The following CCSER2 variants were observed in gnomAD, a reference collection of about 807,000 sequenced individuals.
CCSER2 encodes coiled-coil serine rich protein 2, also known as serine-rich coiled-coil domain-containing protein 2.
A neutral mutation model predicts 92.3 loss-of-function variants in CCSER2; 46 were observed. The observed-to-expected ratio is 0.50, with a 90% CI of 0.39 to 0.64. The LOEUF (loss-of-function observed/expected upper bound fraction) is 0.64, where lower values mean the gene tolerates loss of function less well. Among genes scored for constraint, CCSER2 ranks in the 30% least tolerant of loss-of-function variants. The pLI is 0.00. For missense variants in CCSER2, 1,244 were observed against 1,238.9 expected (o/e 1.00, Z -0.06); for synonymous variants, 433 against 431.4 (o/e 1.00, Z -0.04).
At chr10:84,436,376 C>CTGCAAGCA (rs1844146406) in intron 5 of CCSER2, among the ~76,000 whole-genome samples, 1 of 134,864 alleles carries the variant, frequency 7.4e-6, no homozygotes. Flanking sequence ...TGTCTCAAGC[C>CTGCAAGCA]TGTCATCCCA....
intron 8 of CCSER2, among the ~76,000 whole-genome samples, chr10:84,476,778 T>C (rs1273421818): frequency 6.6e-6 from 1 of 152,162 alleles, no homozygotes; most frequent in Non-Finnish European, 1.5e-5. Flanking sequence ...TCATGATCTT[T>C]TTTGAAAGTG....
chr10:84,407,002 G>A (rs1235147928), intron 3 of CCSER2, among the ~76,000 whole-genome samples: 1 of 152,146 alleles, frequency 6.6e-6, no homozygotes, highest in South Asian at 2.1e-4. Context: ...CCAAAAGATG[G>A]ACAAGGGAAG....
intron 1 of CCSER2, among the ~76,000 whole-genome samples, chr10:84,354,202 C>T (rs1845028387): frequency 6.7e-6 from 1 of 150,136 alleles, no homozygotes; most frequent in South Asian, 2.1e-4. Context: ...GACTCTATCT[C>T]AAACAAAAAA....
At chr10:84,443,200 G>A (rs1369905545) in intron 6 of CCSER2, among the ~76,000 whole-genome samples, 1 of 152,140 alleles carries the variant, frequency 6.6e-6, no homozygotes, top group Non-Finnish European at 1.5e-5. Flanking sequence ...TACCATCAGA[G>A]TGAAGAGGCA....
chr10:84,459,687 T>G (rs574657765), intron 6 of CCSER2, among the ~76,000 whole-genome samples: 54 of 152,240 alleles, frequency 3.5e-4, no homozygotes, highest in Non-Finnish European at 1.5e-4. Context: ...CACACCTGGC[T>G]AATTTTTTAT....
chr10:84,441,756 T>TG (rs1844573550), intron 6 of CCSER2, among the ~76,000 whole-genome samples: 1 of 80,928 alleles, frequency 1.2e-5, no homozygotes, highest in African/African-American at 4.0e-5. Flanking sequence ...TTTTTTTTTT[T>TG]TTTTTTTTTT....
chr10:84,382,633 T>TAG (rs1267004110), intron 3 of CCSER2, among the ~76,000 whole-genome samples: 2 of 152,216 alleles, frequency 1.3e-5, no homozygotes, highest in Admixed American at 1.3e-4. Flanking sequence ...TGATGATTGA[T>TAG]TTTCTAACAC....
rs546785485 is a variant in CCSER2 at position 84,424,135 on chromosome 10, G to A, written c.1706-1596G>A. On this transcript the variant is annotated intron_variant, in intron 4 of 9. Coordinates refer to ENST00000372088, the MANE Select transcript of CCSER2 (RefSeq NM_001284240.2). The stretch of plus-strand genomic sequence containing the variant: ...CCACTATACTCTATCCTGGGTGACA[G>A]ATTGAGAACCTGTCTCAAACAAAAA... Among the ~76,000 whole-genome samples the A allele has an allele frequency of 2.6e-5, 4 of 152,158 alleles. No individual in the cohort carries two copies. The East Asian group carries it at 5.8e-4, about 22-fold the overall frequency.
chr10:84,499,577 CAA>C lies in CCSER2; in HGVS notation c.2326-13871_2326-13870del, dbSNP rs1456578466. Among the ~76,000 whole-genome samples the C allele has an allele frequency of 4.6e-5, 7 of 151,998 alleles. 1 individual carries two copies. The South Asian group carries it at 1.0e-3, about 23-fold the overall frequency. ...AAAAGACTGGAATCTGCTACTTTAA[CAA>C]GAGATATATGATGATAAATGTAATG... On this transcript the variant is annotated intron_variant, in intron 9 of 9. Transcript: ENST00000372088.
At chr10:84,384,531 T>G (rs1378839029) in intron 3 of CCSER2, among the ~76,000 whole-genome samples, 2 of 152,162 alleles carry the variant, frequency 1.3e-5, no homozygotes, top group Non-Finnish European at 2.9e-5. Context: ...CATATGATCA[T>G]CTCAATAGAT....
intron 8 of CCSER2, 117 bp downstream of exon 8, chr10:84,470,575 T>C (rs1409764503): frequency 1.0e-5 from 8 of 790,798 alleles, no homozygotes; most frequent in Non-Finnish European, 1.4e-5. Flanking sequence ...AGTTGCACTT[T>C]TATATTATTT....
chr10:84,487,983 A>G (rs1006029327), intron 9 of CCSER2, among the ~76,000 whole-genome samples: 2 of 152,196 alleles, frequency 1.3e-5, no homozygotes, highest in South Asian at 2.1e-4. Flanking sequence ...CCTTTTCTGC[A>G]TCTATTGAGA....
chr10:84,431,246 T>C (rs1482211598), intron 5 of CCSER2, among the ~76,000 whole-genome samples: 1 of 152,208 alleles, frequency 6.6e-6, no homozygotes, highest in Non-Finnish European at 1.5e-5. Context: ...CTTCAAATTC[T>C]GTGTGTTCCA....
chr10:84,469,502 G>A (rs567491570), intron 7 of CCSER2, among the ~76,000 whole-genome samples: 1 of 152,104 alleles, frequency 6.6e-6, no homozygotes, highest in Non-Finnish European at 1.5e-5. Flanking sequence ...TGTTCCCGAT[G>A]TAGCTAAAGG....
intron 9 of CCSER2, among the ~76,000 whole-genome samples, chr10:84,490,571 GCCATGGTTTTCAGCT>G (rs1428622922): frequency 6.6e-6 from 1 of 152,182 alleles, no homozygotes; most frequent in Non-Finnish European, 1.5e-5. Flanking sequence ...TAGTTCTCGT[GCCATGGTTTTCAGCT>G]CCATCAGGTC....
intron 1 of CCSER2, among the ~76,000 whole-genome samples, chr10:84,370,675 T>C (rs1273421560): frequency 3.3e-5 from 5 of 152,238 alleles, no homozygotes; most frequent in African/African-American, 9.6e-5. Flanking sequence ...GAGAGACTTT[T>C]ACCCAAAATG....
chr10:84,372,586 T>G (rs562411699), intron 2 of CCSER2, 117 bp downstream of exon 2: 2 of 682,548 alleles, frequency 2.9e-6, no homozygotes, highest in Non-Finnish European at 4.8e-6. Context: ...GAGGGATAGA[T>G]CTAGACAAAA....
chr10:84,388,679 C>G (rs961235922), intron 3 of CCSER2, among the ~76,000 whole-genome samples: 1 of 152,184 alleles, frequency 6.6e-6, no homozygotes, highest in Non-Finnish European at 1.5e-5. Flanking sequence ...ACAGTTTTTC[C>G]ATGGACTGGA....
intron 5 of CCSER2, among the ~76,000 whole-genome samples, chr10:84,429,736 T>C (rs904998773): frequency 1.3e-5 from 2 of 150,452 alleles, no homozygotes; most frequent in African/African-American, 2.5e-5. Flanking sequence ...CTCCTAGATA[T>C]ACAGATTAAT....
Sources: gnomAD v4.1 joint callset for allele counts (sites outside exome capture counted in the v4.1 genomes callset) on GRCh38, gnomAD v4.1.1 for gene constraint, MANE v1.5 for transcripts, NCBI Gene and HGNC (gene_info 2026-07-23, HGNC 2026-07-21) for gene names.